The following TSNARE1 variants were observed in gnomAD, a reference collection of about 807,000 sequenced individuals.
TSNARE1 encodes t-SNARE domain-containing protein 1.
Under a neutral mutation model 62.0 loss-of-function variants are expected in TSNARE1, and 49 were observed. The ratio of observed to expected loss-of-function variants is 0.79; its 90% CI spans 0.63 to 1.00. The LOEUF is 1.00. Among genes scored for constraint, TSNARE1 ranks in the 50% least tolerant of loss-of-function variants. The pLI is 0.00. For synonymous variants in TSNARE1, 328 were observed against 294.4 expected (o/e 1.11, Z -1.17); for missense variants, 755 against 700.1 (o/e 1.08, Z -0.88).
At chr8:142,350,635 G>C (rs1472136464) in intron 2 of TSNARE1, among the ~76,000 whole-genome samples, 1 of 152,148 alleles carries the variant, frequency 6.6e-6, no homozygotes, top group African/African-American at 2.4e-5. Flanking sequence ...CATAATAGGT[G>C]AAAGCACTGG....
At chr8:142,304,959 G>A (rs922675772) in intron 9 of TSNARE1, among the ~76,000 whole-genome samples, 1 of 152,162 alleles carries the variant, frequency 6.6e-6, no homozygotes, top group African/African-American at 2.4e-5. Flanking sequence ...TAAAGTCAAA[G>A]CCCCCAGGTA....
At chr8:142,335,206 C>T (rs147495078) in intron 4 of TSNARE1, among the ~76,000 whole-genome samples, 33 of 151,968 alleles carry the variant, frequency 2.2e-4, no homozygotes, top group East Asian at 1.4e-3. Flanking sequence ...CTCAACGAGG[C>T]GGGGTCATCA....
rs567015811 is a variant in TSNARE1 at position 142,279,315 on chromosome 8, G to A, written c.1364-4452C>T. On this transcript the variant is annotated intron_variant, in intron 11 of 13. Transcript: ENST00000524325. ...GGGACCCGGGGCCAAACAGGCCTCC[G>A]GCCACACGACACCAGGCGGGAACGG... Among the ~76,000 whole-genome samples the A allele has an allele frequency of 9.2e-5, 14 of 152,346 alleles. No homozygotes were observed. The East Asian group carries it at 1.4e-3, about 15-fold the overall frequency.
intron 12 of TSNARE1, among the ~76,000 whole-genome samples, chr8:142,237,344 C>A: frequency 6.6e-6 from 1 of 152,220 alleles, no homozygotes. Context: ...TGTCCCCAGC[C>A]CTAAGCTGGG....
intron 9 of TSNARE1, among the ~76,000 whole-genome samples, chr8:142,303,411 C>T (rs1295062380): frequency 2.0e-5 from 3 of 152,240 alleles, no homozygotes; most frequent in Non-Finnish European, 4.4e-5. Context: ...GCCCCGCCTC[C>T]TGAGGCCCGA....
intron 4 of TSNARE1, among the ~76,000 whole-genome samples, chr8:142,333,768 T>C (rs1160961148): frequency 6.6e-6 from 1 of 152,168 alleles, no homozygotes; most frequent in Non-Finnish European, 1.5e-5. Flanking sequence ...TACCTCCACC[T>C]TGCCCCAGTC....
At chr8:142,248,634 A>T (rs1386226049) in intron 12 of TSNARE1, among the ~76,000 whole-genome samples, 2 of 152,110 alleles carry the variant, frequency 1.3e-5, no homozygotes, top group Non-Finnish European at 2.9e-5. Flanking sequence ...TGGCGCTGAG[A>T]GTGGACTCCC....
At chr8:142,368,730 G>A (rs781520577) in intron 1 of TSNARE1, among the ~76,000 whole-genome samples, 4 of 152,084 alleles carry the variant, frequency 2.6e-5, no homozygotes, top group Admixed American at 6.5e-5. Flanking sequence ...GACGGCAGAC[G>A]GGCGGCCCTG....
intron 10 of TSNARE1, among the ~76,000 whole-genome samples, chr8:142,293,012 G>A (rs1824065633): frequency 6.6e-6 from 1 of 152,096 alleles, no homozygotes; most frequent in Non-Finnish European, 1.5e-5. Context: ...CGCCTTTCCT[G>A]CCCCAGAAAG....
intron 9 of TSNARE1, among the ~76,000 whole-genome samples, chr8:142,304,205 GGGAGGAA>G: frequency 2.0e-5 from 3 of 152,382 alleles, no homozygotes; most frequent in Admixed American, 2.0e-4. Flanking sequence ...TGGAGTGGGC[GGGAGGAA>G]GTGAGCAGTG....
intron 11 of TSNARE1, chr8:142,275,588 C>T (rs1026920203): frequency 2.0e-6 from 2 of 985,322 alleles, no homozygotes; most frequent in Non-Finnish European, 2.4e-6. Context: ...GGAGCGCAGG[C>T]ACAGCCGGGG....
At chr8:142,254,117 G>A (rs754604332) in intron 12 of TSNARE1, among the ~76,000 whole-genome samples, 90 of 152,246 alleles carry the variant, frequency 5.9e-4, no homozygotes, top group Non-Finnish European at 1.0e-3. Flanking sequence ...CCAGACAGCC[G>A]TGGGCTCTGG....
At chr8:142,347,255 G>GGAGCAGCCGCAGCCTGGAGACA (rs1169431108) in intron 2 of TSNARE1, among the ~76,000 whole-genome samples, 1 of 152,246 alleles carries the variant, frequency 6.6e-6, no homozygotes, top group African/African-American at 2.4e-5. Context: ...GGATGGAGAG[G>GGAGCAGCCGCAGCCTGGAGACA]GAGCAGCCGC....
At chr8:142,304,391 G>A (rs144157965) in intron 9 of TSNARE1, among the ~76,000 whole-genome samples, 13 of 152,348 alleles carry the variant, frequency 8.5e-5, no homozygotes, top group African/African-American at 1.2e-4. Context: ...GGCATGCCAC[G>A]CCCTTCTCTG....
chr8:142,380,002 G>A (rs1227277813), intron 1 of TSNARE1, among the ~76,000 whole-genome samples: 2 of 152,222 alleles, frequency 1.3e-5, no homozygotes, highest in African/African-American at 2.4e-5. Context: ...TGGAGGGAGA[G>A]GGCAGGAGAA....
intron 6 of TSNARE1, among the ~76,000 whole-genome samples, chr8:142,327,742 G>T (rs1187331215): frequency 6.6e-6 from 1 of 152,214 alleles, no homozygotes; most frequent in African/African-American, 2.4e-5. Flanking sequence ...GAGCTGCCAA[G>T]CGAGGGCCCA....
At chr8:142,227,506 G>A (rs1816897002) in intron 13 of TSNARE1, among the ~76,000 whole-genome samples, 1 of 151,668 alleles carries the variant, frequency 6.6e-6, no homozygotes, top group Admixed American at 6.6e-5. Context: ...CATAACCCCA[G>A]TGACAGCCAG....
chr8:142,260,476 C>T lies in TSNARE1; in HGVS notation c.1446+14305G>A, dbSNP rs532361666. ...CCCTTGGGGCATAAACTGGCCGGGGCCCACGGCCAGGGAGGCTGGGTGGGT... is the reference window on the plus strand; with the variant it reads ...CCCTTGGGGCATAAACTGGCCGGGGTCCACGGCCAGGGAGGCTGGGTGGGT... On this transcript the variant is annotated intron_variant, in intron 12 of 13. Transcript: ENST00000524325. Among the ~76,000 whole-genome samples, 204 of 152,262 alleles carry T rather than the reference C, an allele frequency of 1.3e-3. 3 individuals carry two copies. The highest frequency in any genetic ancestry group is 3.4e-3 in the Middle Eastern group (1 of 294).
chr8:142,291,787 C>T lies in TSNARE1; in HGVS notation c.1291-7302G>A, dbSNP rs922060287. 7.2e-5 allele frequency among the ~76,000 whole-genome samples: 11 copies of T among 152,056 alleles called. No homozygotes were observed. The highest frequency in any genetic ancestry group is 2.7e-4 in the African/African-American group (11 of 41,400). ...GGGCCTGCCAGTGAAAGGGAGCCAG[C>T]GGCTCAGGCGTCAGGCATAGGGTGC... On this transcript the variant is annotated intron_variant, in intron 10 of 13. Coordinates refer to ENST00000524325, the MANE Select transcript of TSNARE1 (RefSeq NM_145003.5). This position sits in a 1 kb window ranked among gnomAD's most constrained non-coding sequence, Gnocchi z 4.8.
Sources: allele counts gnomAD v4.1 joint callset (sites outside exome capture counted in the v4.1 genomes callset), GRCh38; gene constraint gnomAD v4.1.1; non-coding constraint Gnocchi (gnomAD v3.1); transcripts MANE v1.5; gene names NCBI Gene and HGNC (gene_info 2026-07-23, HGNC 2026-07-21).